CACNG4: variants seen among roughly 807,000 people sequenced by gnomAD.
CACNG4 encodes the protein voltage-dependent calcium channel gamma-4 subunit.
In CACNG4, 8 loss-of-function variants were observed where a neutral mutation model predicts 22.9. The ratio of observed to expected loss-of-function variants is 0.35; its 90% CI spans 0.21 to 0.63. CACNG4 has a LOEUF of 0.63. Ranked by LOEUF, CACNG4 falls within the 30% of genes least tolerant of loss-of-function variation. The probability of loss-of-function intolerance (pLI) is 0.72; values close to 1 mark genes in which losing one functional copy is unlikely to be tolerated. For missense variants in CACNG4, 357 were observed against 455.4 expected, an observed-to-expected ratio of 0.78 and a Z score of 1.97; for synonymous variants, 188 against 191.9, an observed-to-expected ratio of 0.98 and a Z score of 0.17.
chr17:67,030,714 A>G lies in CACNG4; in HGVS notation c.694A>G (p.Arg232Gly), dbSNP rs2035598511. 4 of 1,614,240 alleles carry G rather than the reference A, an allele frequency of 2.5e-6. No homozygotes were observed. Among genetic ancestry groups the G allele is most frequent in the Non-Finnish European group, 3.4e-6 (4 of 1,180,056 alleles). Residue 232 changes from arginine to glycine, a missense_variant, in exon 4 of 4, where the codon AGG (arginine) becomes GGG (glycine). Physicochemically the swap from Arg to Gly is moderately radical, Grantham distance 125. Coordinates refer to ENST00000262138, the MANE Select transcript of CACNG4 (RefSeq NM_014405.4). This position sits in a 1 kb window ranked among gnomAD's most constrained non-coding sequence, Gnocchi z 6.4. ...GGCGTCTTCCTCTTCTCCTTATGCC[A>G]GGATGCCGAGCTACAGGTACCGGCG... The part of the protein sequence containing the change: ...LKASSSSPYA[R>G]MPSYRYRRRR...
At chr17:66,997,230 G>A (rs1336384916) in intron 1 of CACNG4, among the ~76,000 whole-genome samples, 2 of 152,206 alleles carry the variant, frequency 1.3e-5, no homozygotes, top group Admixed American at 6.5e-5. Flanking sequence ...GGGCAGGGCA[G>A]TGTGGATGGA....
chr17:67,027,322 C>T lies in CACNG4; in HGVS notation c.445+2322C>T, dbSNP rs1470828584. Reference sequence around the variant, plus strand: ...AGGGACTTGGAGCCTGGACCCAGAGCCCTAGCCGAAGAAAATGAGTCCAGG... The same window carrying T: ...AGGGACTTGGAGCCTGGACCCAGAGTCCTAGCCGAAGAAAATGAGTCCAGG... On this transcript the variant is annotated intron_variant, in intron 3 of 3. Transcript: ENST00000262138. This position sits in a 1 kb window ranked among gnomAD's most constrained non-coding sequence, Gnocchi z 4.3. Among the ~76,000 whole-genome samples the T allele has an allele frequency of 2.6e-5, 4 of 152,198 alleles. No individual in the cohort carries two copies. Among genetic ancestry groups the T allele is most frequent in the African/African-American group, 4.8e-5 (2 of 41,444 alleles).
chr17:67,014,554 G>A (rs1385678155), intron 1 of CACNG4, among the ~76,000 whole-genome samples: 1 of 152,184 alleles, frequency 6.6e-6, no homozygotes, highest in Non-Finnish European at 1.5e-5. Context: ...TGAACGTTGG[G>A]TTTGGTGGTG....
intron 1 of CACNG4, among the ~76,000 whole-genome samples, chr17:67,002,728 A>T (rs1463487417): frequency 2.0e-5 from 3 of 152,226 alleles, no homozygotes; most frequent in Non-Finnish European, 2.9e-5. Context: ...AGGTGAGAGA[A>T]TCCTGGCTGT....
intron 1 of CACNG4, among the ~76,000 whole-genome samples, chr17:66,980,923 T>C (rs1021961754): frequency 6.6e-6 from 1 of 152,162 alleles, no homozygotes; most frequent in African/African-American, 2.4e-5. Context: ...CCGGCCTTGT[T>C]AGAAACATCT....
At chr17:66,977,391 T>C (rs552263542) in intron 1 of CACNG4, among the ~76,000 whole-genome samples, 1 of 152,100 alleles carries the variant, frequency 6.6e-6, no homozygotes, top group East Asian at 1.9e-4. Flanking sequence ...GAAGATGACA[T>C]CTGAACTAAG....
At chr17:67,023,659 C>A (rs956179059) in intron 2 of CACNG4, among the ~76,000 whole-genome samples, 1 of 151,640 alleles carries the variant, frequency 6.6e-6, no homozygotes, top group African/African-American at 2.4e-5. Flanking sequence ...GCAACCTCCA[C>A]CTCTGGGGTT....
chr17:66,977,637 G>A (rs1177362483), intron 1 of CACNG4, among the ~76,000 whole-genome samples: 2 of 152,210 alleles, frequency 1.3e-5, no homozygotes, highest in African/African-American at 2.4e-5. Flanking sequence ...CCCTGAGGGT[G>A]GCCCAGGCAC....
intron 1 of CACNG4, among the ~76,000 whole-genome samples, chr17:66,988,796 C>T (rs1050124006): frequency 2.0e-5 from 3 of 152,166 alleles, no homozygotes; most frequent in South Asian, 4.1e-4. Context: ...CGGTGGCTCA[C>T]GCCTGTGATC....
chr17:67,023,773 C>T (rs1469798033), intron 2 of CACNG4, among the ~76,000 whole-genome samples: 3 of 151,798 alleles, frequency 2.0e-5, no homozygotes, highest in Non-Finnish European at 4.4e-5. Flanking sequence ...TACGGGGTTT[C>T]ACCATGTTGG....
At chr17:66,993,763 G>T in intron 1 of CACNG4, among the ~76,000 whole-genome samples, 2 of 152,036 alleles carry the variant, frequency 1.3e-5, no homozygotes. Context: ...CCGCCACCAT[G>T]CCCGGCTAAC....
At chr17:67,017,164 C>T (rs1296857750) in intron 1 of CACNG4, among the ~76,000 whole-genome samples, 1 of 152,066 alleles carries the variant, frequency 6.6e-6, no homozygotes, top group Non-Finnish European at 1.5e-5. Context: ...GCAACCTCCA[C>T]CTCCCAGGCT....
At chr17:66,982,327 T>G (rs1458598934) in intron 1 of CACNG4, among the ~76,000 whole-genome samples, 1 of 152,174 alleles carries the variant, frequency 6.6e-6, no homozygotes, top group East Asian at 1.9e-4. Context: ...GAGTGCTGAT[T>G]GATCTATTTT....
Position 66,971,621 on chromosome 17 carries a change from G to A in CACNG4, c.220+6490G>A, listed in dbSNP as rs988385525. 6.6e-5 allele frequency among the ~76,000 whole-genome samples: 10 copies of A among 152,278 alleles called. No individual in the cohort carries two copies. The South Asian group carries it at 8.3e-4, about 13-fold the overall frequency. On this transcript the variant is annotated intron_variant, in intron 1 of 3. Transcript: ENST00000262138. Reference sequence around the variant, plus strand: ...GTGTGGGGAGCGGCTGGAGGGGGCCGCTGTTGGCTGGTCAAGGGGACAGGA... The same window carrying A: ...GTGTGGGGAGCGGCTGGAGGGGGCCACTGTTGGCTGGTCAAGGGGACAGGA...
At chr17:66,993,855 G>A (rs945780524) in intron 1 of CACNG4, among the ~76,000 whole-genome samples, 4 of 151,992 alleles carry the variant, frequency 2.6e-5, no homozygotes, top group Admixed American at 6.6e-5. Context: ...TCCTGACCTC[G>A]TGATCCACCC....
At chr17:66,965,214 A>G (rs367731271) in intron 1 of CACNG4, 83 bp downstream of exon 1, 105 of 761,030 alleles carry the variant, frequency 1.4e-4, no homozygotes, top group African/African-American at 1.1e-3. Flanking sequence ...GCGCGCGCGC[A>G]CACACACACA....
At chr17:67,021,164 G>A (rs1054246181) in intron 2 of CACNG4, among the ~76,000 whole-genome samples, 2 of 151,906 alleles carry the variant, frequency 1.3e-5, no homozygotes, top group African/African-American at 4.8e-5. Context: ...TCGTGCCACT[G>A]CACTCCAGCC....
chr17:67,032,151 A>T lies in CACNG4; in HGVS notation c.*1147A>T. ...ATTCTGCCACCACCTAACAGGACGG[A>T]GTGGAGTGAGTTTGGATAAACGGAC... On this transcript the variant is annotated 3_prime_UTR_variant, in exon 4 of 4. Coordinates refer to ENST00000262138, the MANE Select transcript of CACNG4 (RefSeq NM_014405.4). The T allele has an allele frequency of 2.7e-6, 1 of 377,236 alleles. No homozygotes were observed. Among genetic ancestry groups the T allele is most frequent in the South Asian group, 2.0e-5 (1 of 49,776 alleles). 23.4% of individuals were successfully genotyped at this position (377,236 alleles called of 1,614,324 possible). A position where few individuals can be genotyped will look rare whatever the true frequency, so the allele number is the denominator to read the frequency against.
intron 1 of CACNG4, among the ~76,000 whole-genome samples, chr17:67,007,722 G>A (rs2035445946): frequency 6.6e-6 from 1 of 152,174 alleles, no homozygotes; most frequent in Admixed American, 6.5e-5. Context: ...TTCTCCTCTT[G>A]TATTATTGAT....
Sources: allele counts gnomAD v4.1 joint callset (sites outside exome capture counted in the v4.1 genomes callset), GRCh38; gene constraint gnomAD v4.1.1; non-coding constraint Gnocchi (gnomAD v3.1); transcripts MANE v1.5; gene names NCBI Gene and HGNC (gene_info 2026-07-23, HGNC 2026-07-21).